FAM135B: variants seen among roughly 807,000 people sequenced by gnomAD.
The protein encoded by FAM135B is protein FAM135B.
Under a neutral mutation model 127.7 loss-of-function variants are expected in FAM135B, and 43 were observed. The observed-to-expected ratio is 0.34, with a 90% CI of 0.26 to 0.43. FAM135B has a LOEUF of 0.43. Among genes scored for constraint, FAM135B ranks in the 20% least tolerant of loss-of-function variants. The probability of loss-of-function intolerance (pLI) is 1.00; values close to 1 mark genes in which losing one functional copy is unlikely to be tolerated. For synonymous variants in FAM135B, 670 were observed against 665.1 expected, an observed-to-expected ratio of 1.01 and a Z score of -0.11; for missense variants, 1,558 against 1,725.6, an observed-to-expected ratio of 0.90 and a Z score of 1.72.
rs375101524 is a variant in FAM135B at position 138,303,152 on chromosome 8, A to T, written c.157+7689T>A. Among the ~76,000 whole-genome samples, 3 of 152,222 alleles carry T rather than the reference A, an allele frequency of 2.0e-5. No individual in the cohort carries two copies. The East Asian group carries it at 5.8e-4, about 29-fold the overall frequency. ...CATGCACATGTGTGTTTATCGCAGC[A>T]CTATTTACAATAGCAAAGACTTGGA... is the stretch of plus-strand genomic sequence containing the variant. On this transcript the variant is annotated intron_variant, in intron 3 of 19. Coordinates refer to ENST00000395297, the MANE Select transcript of FAM135B (RefSeq NM_015912.4).
Position 138,178,202 on chromosome 8 carries a change from T to C in FAM135B, c.1029+333A>G, listed in dbSNP as rs140502025. Among the ~76,000 whole-genome samples the C allele has an allele frequency of 6.3e-3, 953 of 151,314 alleles. 8 individuals carry two copies. The highest frequency in any genetic ancestry group is 0.02 in the African/African-American group (838 of 41,222). ...GGTGGAGATTGCAGTGAGCGGAGAT[T>C]GCACCACTGCACTCCAGTCTGGGTG... is the stretch of plus-strand genomic sequence containing the variant. On this transcript the variant is annotated intron_variant, in intron 10 of 19. Transcript: ENST00000395297.
chr8:138,389,996 G>A (rs943228958), intron 1 of FAM135B, among the ~76,000 whole-genome samples: 4 of 152,116 alleles, frequency 2.6e-5, no homozygotes, highest in Non-Finnish European at 5.9e-5. Context: ...ACATGTGTAT[G>A]TTCTTATGTA....
chr8:138,425,631 G>GA (rs1165437581), intron 1 of FAM135B: 3 of 152,074 alleles, frequency 2.0e-5, no homozygotes, highest in African/African-American at 7.2e-5. Flanking sequence ...TAATGGAGAA[G>GA]AAAGAGTGTG....
At chr8:138,315,396 T>A (rs1827008456) in intron 2 of FAM135B, among the ~76,000 whole-genome samples, 1 of 152,162 alleles carries the variant, frequency 6.6e-6, no homozygotes. Flanking sequence ...ATAGCCATTA[T>A]GAAAAATAAC....
chr8:138,224,036 C>T lies in FAM135B; in HGVS notation c.669+18906G>A, dbSNP rs574992965. Among the ~76,000 whole-genome samples, 36 of 150,302 alleles carry T rather than the reference C, an allele frequency of 2.4e-4. 1 individual carries two copies. The highest frequency in any genetic ancestry group is 5.4e-4 in the African/African-American group (22 of 40,766). ...ATAGAAACTGGGGATTACTAGAGGA[C>T]GGGGGTGGGGGGCAAGGGTTGAAAA... On this transcript the variant is annotated intron_variant, in intron 7 of 19. Transcript: ENST00000395297.
intron 1 of FAM135B, among the ~76,000 whole-genome samples, chr8:138,381,670 T>A (rs1199377538): frequency 6.6e-6 from 1 of 152,162 alleles, no homozygotes; most frequent in Non-Finnish European, 1.5e-5. Flanking sequence ...AATAAACCCA[T>A]TACTCTCCTT....
At position 138,133,000 on chromosome 8, in the gene FAM135B, T is replaced by C. The variant is rs565570062; in HGVS notation, c.4016-202A>G. ...CTAGTCAGATGACAATAGCCAGAAGTCAGAAGGGGATTCCTAATAGCGGCT... is the reference window on the plus strand; with the variant it reads ...CTAGTCAGATGACAATAGCCAGAAGCCAGAAGGGGATTCCTAATAGCGGCT... On this transcript the variant is annotated intron_variant, in intron 19 of 19. Coordinates refer to ENST00000395297, the MANE Select transcript of FAM135B (RefSeq NM_015912.4). This position sits in a 1 kb window ranked among gnomAD's most constrained non-coding sequence, Gnocchi z 4.5. 1.3e-5 allele frequency among the ~76,000 whole-genome samples: 2 copies of C among 151,906 alleles called. No individual in the cohort carries two copies. The highest frequency in any genetic ancestry group is 4.2e-4 in the South Asian group (2 of 4,810).
Position 138,147,904 on chromosome 8 carries a change from T to C in FAM135B, c.3448+616A>G, listed in dbSNP as rs147773544. Among the ~76,000 whole-genome samples, 270 of 152,320 alleles carry C rather than the reference T, an allele frequency of 1.8e-3. 1 individual carries two copies. The highest frequency in any genetic ancestry group is 6.2e-3 in the African/African-American group (258 of 41,574). On this transcript the variant is annotated intron_variant, in intron 14 of 19. Transcript: ENST00000395297. ...AGACTGGTCATGCATGACATCGAGC[T>C]GATGAGTGAGAAAGTTTTTTTGTTC...
At chr8:138,406,198 G>C (rs564593574) in intron 1 of FAM135B, among the ~76,000 whole-genome samples, 1 of 151,992 alleles carries the variant, frequency 6.6e-6, no homozygotes, top group South Asian at 2.1e-4. Context: ...TTCTTTTGCT[G>C]TGCAGAAGCT....
At chr8:138,355,257 G>T (rs2131143595) in intron 2 of FAM135B, among the ~76,000 whole-genome samples, 1 of 152,266 alleles carries the variant, frequency 6.6e-6, no homozygotes, top group African/African-American at 2.4e-5. Context: ...CTGCTATAAA[G>T]ACACATGCAC....
At chr8:138,254,588 G>A (rs941183911) in intron 5 of FAM135B, among the ~76,000 whole-genome samples, 6 of 152,310 alleles carry the variant, frequency 3.9e-5, no homozygotes, top group East Asian at 3.9e-4. Context: ...TTGGGAAGAA[G>A]GCCAGCCTCT....
chr8:138,366,330 A>G (rs990112441), intron 2 of FAM135B, among the ~76,000 whole-genome samples: 1 of 152,140 alleles, frequency 6.6e-6, no homozygotes, highest in African/African-American at 2.4e-5. Flanking sequence ...GTGAACCTGA[A>G]AAGCAGAGTG....
At chr8:138,340,020 C>T (rs998141561) in intron 2 of FAM135B, among the ~76,000 whole-genome samples, 2 of 152,182 alleles carry the variant, frequency 1.3e-5, no homozygotes, top group African/African-American at 2.4e-5. Context: ...GGTTCATCAT[C>T]CCGGGATGGG....
intron 19 of FAM135B, among the ~76,000 whole-genome samples, chr8:138,133,033 C>T (rs147842816): frequency 2.4e-3 from 358 of 152,290 alleles, no homozygotes; most frequent in African/African-American, 7.7e-3. Flanking sequence ...GCTTTATGAA[C>T]CCATGCACCG....
chr8:138,295,090 C>T (rs1512385), intron 3 of FAM135B, among the ~76,000 whole-genome samples: 42,664 of 145,038 alleles, frequency 0.29, 6,551 homozygotes, highest in South Asian at 0.42. Context: ...GTCAATACCA[C>T]CCTTGCTGGT....
chr8:138,468,032 G>A (rs1167093182), intron 1 of FAM135B, among the ~76,000 whole-genome samples: 1 of 152,070 alleles, frequency 6.6e-6, no homozygotes, highest in Admixed American at 6.5e-5. Flanking sequence ...TGCAAAATAG[G>A]CATTCATGCG....
chr8:138,350,497 A>AACACAC (rs59686476), intron 2 of FAM135B, among the ~76,000 whole-genome samples: 3,655 of 148,140 alleles, frequency 0.025, 115 homozygotes, highest in African/African-American at 0.079. Context: ...GGTTTTCTAC[A>AACACAC]ACACACACAC....
intron 16 of FAM135B, among the ~76,000 whole-genome samples, chr8:138,142,702 T>C (rs1265215866): frequency 1.3e-5 from 2 of 152,128 alleles, no homozygotes; most frequent in African/African-American, 4.8e-5. Flanking sequence ...ATCTGGTACA[T>C]GGCAAGAAAC....
rs1226536628 is a variant in FAM135B, at chr8:138,145,942, T to C, written c.3540+17A>G. ...GCATCCAGGGTTCTTCCAGTTCTGA[T>C]ATTTGTATCATCATACCTGATTCTT... On this transcript the variant is annotated intron_variant, in intron 15 of 19. Coordinates refer to ENST00000395297, the MANE Select transcript of FAM135B (RefSeq NM_015912.4). 1.4e-6 allele frequency: 2 copies of C among 1,392,398 alleles called. No individual in the cohort carries two copies. The highest frequency in any genetic ancestry group is 2.0e-6 in the Non-Finnish European group (2 of 980,492). 86.3% of individuals were successfully genotyped at this position (1,392,398 alleles called of 1,614,324 possible).
Sources: gnomAD v4.1 joint callset for allele counts (sites outside exome capture counted in the v4.1 genomes callset) on GRCh38, gnomAD v4.1.1 for gene constraint, Gnocchi (gnomAD v3.1) non-coding constraint, MANE v1.5 for transcripts, NCBI Gene and HGNC (gene_info 2026-07-23, HGNC 2026-07-21) for gene names.